GNAQ: variants seen among roughly 807,000 people sequenced by gnomAD.
GNAQ encodes the protein guanine nucleotide-binding protein G(q) subunit alpha.
In GNAQ, 8 loss-of-function variants were observed where a neutral mutation model predicts 43.9. The ratio of observed to expected loss-of-function variants is 0.18; its 90% confidence interval spans 0.11 to 0.33. GNAQ has a LOEUF of 0.33. Ranked by LOEUF, GNAQ falls within the 10% of genes least tolerant of loss-of-function variation. The probability of loss-of-function intolerance (pLI) is 1.00; values close to 1 mark genes in which losing one functional copy is unlikely to be tolerated. For synonymous variants in GNAQ, 155 were observed against 170.7 expected (o/e 0.91, Z 0.71); for missense variants, 158 against 450.8 (o/e 0.35, Z 5.88).
chr9:77,943,522 A>G (rs1434008523), intron 1 of GNAQ, among the ~76,000 whole-genome samples: 1 of 152,128 alleles, frequency 6.6e-6, no homozygotes, highest in Non-Finnish European at 1.5e-5. Context: ...GATAAACTCA[A>G]AAGTGTCTTC....
intron 2 of GNAQ, among the ~76,000 whole-genome samples, chr9:77,845,592 A>G (rs1827572226): frequency 6.6e-6 from 1 of 152,222 alleles, no homozygotes; most frequent in African/African-American, 2.4e-5. Flanking sequence ...TAAAGAACAC[A>G]ATTCCAAGTT....
chr9:77,717,802 C>A lies in GNAQ; in HGVS notation c.*3521G>T, dbSNP rs1325169960. 6.0e-5 allele frequency: 14 copies of A among 231,548 alleles called. No homozygotes were observed. The highest frequency in any genetic ancestry group is 2.6e-5 in the Non-Finnish European group (3 of 117,394). 14.3% of individuals were successfully genotyped at this position (231,548 alleles called of 1,614,324 possible). A position where few individuals can be genotyped will look rare whatever the true frequency, so the allele number is the denominator to read the frequency against. On this transcript the variant is annotated 3_prime_UTR_variant, in exon 7 of 7. Transcript: ENST00000286548. ...GTAGTTGTCATCTGCTAGTAAACAA[C>A]ATATGCAGGTTCTTAAAATTTTTTT...
intron 1 of GNAQ, among the ~76,000 whole-genome samples, chr9:78,020,932 C>T (rs1292429905): frequency 6.6e-6 from 1 of 152,108 alleles, no homozygotes; most frequent in African/African-American, 2.4e-5. Flanking sequence ...CTGGCACCTC[C>T]AGTGGAATTA....
Position 77,948,243 on chromosome 9 carries a change from C to T in GNAQ, c.137-25898G>A, listed in dbSNP as rs192692360. Reference sequence around the variant, plus strand: ...TGCCTATATTAAATCCTCAGAGGGCCTAAATGTAGTAAAAGATAGGTAATA... The same window carrying T: ...TGCCTATATTAAATCCTCAGAGGGCTTAAATGTAGTAAAAGATAGGTAATA... On this transcript the variant is annotated intron_variant, in intron 1 of 6. Transcript: ENST00000286548. Among the ~76,000 whole-genome samples, 522 of 152,188 alleles carry T rather than the reference C, an allele frequency of 3.4e-3. 6 individuals carry two copies. Among genetic ancestry groups the T allele is most frequent in the Non-Finnish European group, 2.3e-3 (157 of 67,996 alleles).
intron 6 of GNAQ, among the ~76,000 whole-genome samples, chr9:77,724,306 C>T (rs1825364485): frequency 6.6e-6 from 1 of 152,122 alleles, no homozygotes; most frequent in Non-Finnish European, 1.5e-5. Flanking sequence ...AATCTCCTGC[C>T]TCAGCCTCGT....
intron 5 of GNAQ, among the ~76,000 whole-genome samples, chr9:77,758,708 A>G (rs1031335313): frequency 2.0e-5 from 3 of 152,172 alleles, no homozygotes; most frequent in African/African-American, 7.2e-5. Flanking sequence ...GCTTTTTTCA[A>G]TTAACATGCT....
At chr9:77,746,189 T>C (rs144657471) in intron 5 of GNAQ, among the ~76,000 whole-genome samples, 5 of 152,234 alleles carry the variant, frequency 3.3e-5, no homozygotes, top group African/African-American at 1.2e-4. Context: ...ATGAATGGAA[T>C]TTAAAAATTA....
intron 5 of GNAQ, among the ~76,000 whole-genome samples, chr9:77,784,006 A>G (rs1826437349): frequency 6.6e-6 from 1 of 152,240 alleles, no homozygotes; most frequent in African/African-American, 2.4e-5. Context: ...AGAAGTATGG[A>G]ATTAAAAGAA....
At chr9:77,822,228 G>A (rs1281868072) in intron 2 of GNAQ, among the ~76,000 whole-genome samples, 10 of 152,146 alleles carry the variant, frequency 6.6e-5, no homozygotes, top group Admixed American at 6.5e-4. Flanking sequence ...GACTGTTGGT[G>A]AATTAAATCA....
chr9:77,991,442 G>A (rs1398579325), intron 1 of GNAQ, among the ~76,000 whole-genome samples: 2 of 152,124 alleles, frequency 1.3e-5, no homozygotes, highest in African/African-American at 2.4e-5. Flanking sequence ...GAACCAGTAT[G>A]CTAACCCACA....
At chr9:77,810,634 T>A (rs550711910) in intron 3 of GNAQ, among the ~76,000 whole-genome samples, 1 of 152,348 alleles carries the variant, frequency 6.6e-6, no homozygotes, top group Admixed American at 6.5e-5. Flanking sequence ...TAAAGCTTCA[T>A]AATATTTAAC....
At chr9:77,773,972 C>G (rs75062612) in intron 5 of GNAQ, among the ~76,000 whole-genome samples, 17,722 of 151,832 alleles carry the variant, frequency 0.12, 1,097 homozygotes, top group East Asian at 0.25. Context: ...AGGTTCCCTG[C>G]TAAAAGACAA....
chr9:78,012,439 C>T (rs190001788), intron 1 of GNAQ, among the ~76,000 whole-genome samples: 33 of 152,008 alleles, frequency 2.2e-4, no homozygotes, highest in Admixed American at 1.8e-3. Context: ...GAACTCCTGA[C>T]CTTGTAATCC....
chr9:77,955,714 T>C (rs1823033054), intron 1 of GNAQ, among the ~76,000 whole-genome samples: 1 of 152,236 alleles, frequency 6.6e-6, no homozygotes, highest in South Asian at 2.1e-4. Context: ...TGAATTAATC[T>C]AAACTCTTTT....
intron 5 of GNAQ, among the ~76,000 whole-genome samples, chr9:77,784,825 A>G (rs1408375167): frequency 6.6e-6 from 1 of 152,232 alleles, no homozygotes; most frequent in Non-Finnish European, 1.5e-5. Context: ...CACTTCAAAA[A>G]TATTTCCCAT....
intron 2 of GNAQ, among the ~76,000 whole-genome samples, chr9:77,856,428 C>T (rs1015975735): frequency 4.6e-5 from 7 of 152,268 alleles, no homozygotes; most frequent in African/African-American, 1.7e-4. Flanking sequence ...GTGTTTTTAA[C>T]TATTACACAT....
rs529668936 is a variant in GNAQ at position 77,912,124 on chromosome 9, G to C, written c.321+10037C>G. On this transcript the variant is annotated intron_variant, in intron 2 of 6. Coordinates refer to ENST00000286548, the MANE Select transcript of GNAQ (RefSeq NM_002072.5). The stretch of plus-strand genomic sequence containing the variant: ...TCCCAAAGAAGAAAAACAACACTGA[G>C]TGACTTCTACTGCTGCCCAATATTA... Among the ~76,000 whole-genome samples the C allele has an allele frequency of 3.3e-5, 5 of 152,286 alleles. No homozygotes were observed. In the East Asian group the frequency reaches 9.7e-4, roughly 29 times the overall value.
chr9:77,789,754 G>A (rs528816795), intron 5 of GNAQ, among the ~76,000 whole-genome samples: 2 of 152,160 alleles, frequency 1.3e-5, no homozygotes, highest in East Asian at 1.9e-4. Context: ...AGATTATACT[G>A]TATAAATTCA....
intron 1 of GNAQ, among the ~76,000 whole-genome samples, chr9:77,964,830 T>C (rs1354777878): frequency 6.6e-6 from 1 of 152,182 alleles, no homozygotes; most frequent in Non-Finnish European, 1.5e-5. Flanking sequence ...ACACCTGTAT[T>C]TAAAAATACA....
Sources: gnomAD v4.1 joint callset for allele counts (sites outside exome capture counted in the v4.1 genomes callset) on GRCh38, gnomAD v4.1.1 for gene constraint, MANE v1.5 for transcripts, NCBI Gene and HGNC (gene_info 2026-07-23, HGNC 2026-07-21) for gene names.